CTBP1: variants seen among roughly 807,000 people sequenced by gnomAD.
The protein encoded by CTBP1 is C-terminal-binding protein 1.
Under a neutral mutation model 42.1 loss-of-function variants are expected in CTBP1, and 11 were observed. The observed-to-expected ratio is 0.26, with a 90% CI of 0.16 to 0.43. CTBP1 has a LOEUF of 0.43. CTBP1 is among the 20% of genes least tolerant of loss of function. The probability of loss-of-function intolerance (pLI) is 1.00; values close to 1 mark genes in which losing one functional copy is unlikely to be tolerated. For synonymous variants in CTBP1, 324 were observed against 277.1 expected (o/e 1.17, Z -1.68); for missense variants, 399 against 624.3 (o/e 0.64, Z 3.85).
chr4:1,237,106 G>A (rs1731600685), intron 3 of CTBP1: 2 of 665,728 alleles, frequency 3.0e-6, no homozygotes, highest in Admixed American at 4.2e-5. Flanking sequence ...ATGAGGCTCA[G>A]GAGAAACCGA....
At chr4:1,249,485 C>CCG, upstream of CTBP1, 1 of 80,710 alleles carries the variant, frequency 1.2e-5, no homozygotes, top group Non-Finnish European at 3.0e-5. Flanking sequence ...AAATGGCGCT[C>CCG]CTCCGCGCCG....
chr4:1,241,739 C>T (rs1361036132), intron 1 of CTBP1: 17 of 1,199,394 alleles, frequency 1.4e-5, no homozygotes, highest in African/African-American at 7.9e-5. Context: ...GTGCCAGGCC[C>T]GAGGCCGCGC....
chr4:1,245,001 G>C (rs1352632941), intron 1 of CTBP1: 1 of 985,342 alleles, frequency 1.0e-6, no homozygotes, highest in Non-Finnish European at 1.2e-6. Context: ...CCCCAAGAGG[G>C]AGCCGCACAG....
intron 3 of CTBP1, chr4:1,237,249 C>G: frequency 1.5e-6 from 1 of 650,294 alleles, no homozygotes; most frequent in Admixed American, 2.2e-5. Flanking sequence ...GGGCTCAGGA[C>G]AAACCGAGTG....
intron 1 of CTBP1, chr4:1,245,521 AG>A: frequency 1.0e-6 from 1 of 985,330 alleles, no homozygotes; most frequent in Non-Finnish European, 1.2e-6. Flanking sequence ...GCAGCCCAGG[AG>A]CCCCCACACC....
Position 1,238,599 on chromosome 4 carries a change from C to A in CTBP1, c.8-262G>T, listed in dbSNP as rs1164885892. Among the ~76,000 whole-genome samples, 1 of 151,808 alleles carries A rather than the reference C, an allele frequency of 6.6e-6. No individual in the cohort carries two copies. Among genetic ancestry groups the A allele is most frequent in the African/African-American group, 2.4e-5 (1 of 41,236 alleles). On this transcript the variant is annotated intron_variant, in intron 2 of 9. Transcript: ENST00000382952. This position sits in a 1 kb window ranked among gnomAD's most constrained non-coding sequence, Gnocchi z 5.9. ...TGGGCACAGGACCTCCGAGACCCTC[C>A]AAGTCCCCTCCGAGACCCTCCAAGG...
Position 1,213,610 on chromosome 4 carries a change from G to T in CTBP1, c.861-5C>A. 6.2e-7 allele frequency: 1 copy of T among 1,612,560 alleles called. No homozygotes were observed. Among genetic ancestry groups the T allele is most frequent in the Non-Finnish European group, 8.5e-7 (1 of 1,179,796 alleles). On this transcript the variant is annotated splice_region_variant and splice_polypyrimidine_tract_variant and intron_variant, in intron 7 of 9. Transcript: ENST00000382952. ...TTCAGAGGGCCCTGGCTAAAGCTGG[G>T]AACAGCACAGGCATGGTCAGTGCAG...
intron 7 of CTBP1, 78 bp downstream of exon 7, chr4:1,214,265 G>C: frequency 6.9e-7 from 1 of 1,441,530 alleles, no homozygotes; most frequent in Non-Finnish European, 9.1e-7. Flanking sequence ...CGGCCTGGCA[G>C]AGGCGCCGTC....
chr4:1,246,636 C>G (rs563064586), intron 1 of CTBP1, among the ~76,000 whole-genome samples: 2 of 152,324 alleles, frequency 1.3e-5, no homozygotes, highest in Non-Finnish European at 2.9e-5. Flanking sequence ...CAGCTCAGAC[C>G]AGGTCACATT....
At chr4:1,232,548 G>A (rs1022558107) in intron 3 of CTBP1, among the ~76,000 whole-genome samples, 4 of 152,122 alleles carry the variant, frequency 2.6e-5, no homozygotes, top group Non-Finnish European at 5.9e-5. Flanking sequence ...CTGACCTCAA[G>A]TGATCCACCC....
At chr4:1,221,929 G>A (rs941309343) in intron 5 of CTBP1, 1 of 350,694 alleles carries the variant, frequency 2.9e-6, no homozygotes, top group South Asian at 2.1e-5. Context: ...ACGGGCACCA[G>A]AGCCTCGTAG....
At position 1,243,772 on chromosome 4, in the gene CTBP1, A is replaced by G. The variant is rs140501446; in HGVS notation, c.-188-2253T>C. ...TGCCCACACACTCCGAGGTGAAGGCACACGGCTCCCAGAGGGGCCTGTGCT... is the reference window on the plus strand; with the variant it reads ...TGCCCACACACTCCGAGGTGAAGGCGCACGGCTCCCAGAGGGGCCTGTGCT... On this transcript the variant is annotated intron_variant, in intron 1 of 9. Transcript: ENST00000382952. 104 of 985,440 alleles carry G rather than the reference A, an allele frequency of 1.1e-4. 2 individuals are homozygous for G. The East Asian group carries it at 0.011, about 100-fold the overall frequency. The allele number at this position is 985,440 out of a possible 1,614,324, so 61.0% of individuals were successfully genotyped here. A position where few individuals can be genotyped will look rare whatever the true frequency, so the allele number is the denominator to read the frequency against.
chr4:1,244,364 G>GT (rs1732507479), intron 1 of CTBP1: 11 of 983,924 alleles, frequency 1.1e-5, no homozygotes, highest in Middle Eastern at 5.2e-4. Flanking sequence ...TGGGGGGGGG[G>GT]TGTTCCAGGA....
chr4:1,226,853 G>A (rs896435956), intron 4 of CTBP1, among the ~76,000 whole-genome samples: 2 of 151,728 alleles, frequency 1.3e-5, no homozygotes, highest in South Asian at 2.1e-4. Context: ...GCCAGTGCAG[G>A]AGACCCCCAG....
In CTBP1 at chr4:1,244,183, C is replaced by T. The variant is rs997459137; in HGVS notation, c.-188-2664G>A. The T allele has an allele frequency of 9.1e-6, 9 of 985,248 alleles. No individual in the cohort carries two copies. The South Asian group carries it at 3.8e-4, about 41-fold the overall frequency. 61.0% of individuals were successfully genotyped at this position (985,248 alleles called of 1,614,324 possible). ...CTGGATGCACATCACCATCTGCTTG[C>T]CGGATCCTCCCTCCTGTTGGCCACG... On this transcript the variant is annotated intron_variant, in intron 1 of 9. Coordinates refer to ENST00000382952, the MANE Select transcript of CTBP1 (RefSeq NM_001012614.2).
chr4:1,213,543 T>C lies in CTBP1; in HGVS notation c.923A>G (p.Tyr308Cys). Reference protein sequence around the residue: ...NLICTPHAAWYSEQASIEMRE... With the variant: ...NLICTPHAAWCSEQASIEMRE... ...CATCTCGATGGATGCCTGCTCGCTG[T>C]ACCATGCAGCATGGGGGGTGCAGAT... is the stretch of plus-strand genomic sequence containing the variant. The change falls in exon 8 of 10, where the codon TAC becomes TGC. Residue 308 changes from tyrosine to cysteine, a missense_variant. This residue lies in a region of CTBP1 where 309 missense variants were observed against 497.5 expected (regional missense o/e 0.62). Transcript: ENST00000382952. 1 of 1,613,222 alleles carries C rather than the reference T, an allele frequency of 6.2e-7. No individual in the cohort carries two copies. The highest frequency in any genetic ancestry group is 8.5e-7 in the Non-Finnish European group (1 of 1,179,918).
At chr4:1,241,730 T>G (rs1332260956) in intron 1 of CTBP1, 13 of 1,205,034 alleles carry the variant, frequency 1.1e-5, no homozygotes, top group Non-Finnish European at 1.4e-5. Flanking sequence ...GAGGTTGCAG[T>G]GCCAGGCCCG....
chr4:1,228,489 AC>A, intron 3 of CTBP1, 146 bp from the exon 4 acceptor site: 1 of 1,027,074 alleles, frequency 9.7e-7, no homozygotes, highest in Non-Finnish European at 1.4e-6. Flanking sequence ...GGGAGAGGCT[AC>A]ATGAAGGCTT....
At chr4:1,229,138 C>A (rs1730700237) in intron 3 of CTBP1, among the ~76,000 whole-genome samples, 1 of 152,192 alleles carries the variant, frequency 6.6e-6, no homozygotes, top group Non-Finnish European at 1.5e-5. Flanking sequence ...CCCCACCCTG[C>A]CAAGGGCTCC....
Sources: gnomAD v4.1 joint callset for allele counts (sites outside exome capture counted in the v4.1 genomes callset) on GRCh38, gnomAD v4.1.1 for gene constraint, gnomAD v4.1.1 regional missense constraint, Gnocchi (gnomAD v3.1) non-coding constraint, MANE v1.5 for transcripts, NCBI Gene and HGNC (gene_info 2026-07-23, HGNC 2026-07-21) for gene names.